Variants in CHIC1 observed in about 807,000 individuals in gnomAD.
CHIC1 encodes the protein cysteine-rich hydrophobic domain-containing protein 1.
In CHIC1, 7 loss-of-function variants were observed where a neutral mutation model predicts 18.5. The ratio of observed to expected loss-of-function variants is 0.38; its 90% CI spans 0.22 to 0.71. CHIC1 has a LOEUF of 0.71. Among genes scored for constraint, CHIC1 ranks in the 30% least tolerant of loss-of-function variants. CHIC1 has a pLI of 0.49. For missense variants in CHIC1, 159 were observed against 176.9 expected (o/e 0.90, Z 0.57); for synonymous variants, 77 against 73.5 (o/e 1.05, Z -0.25).
chrX:73,655,494 GTATA>G (rs201990322), intron 3 of CHIC1, among the ~76,000 whole-genome samples: 2 of 54,229 alleles, frequency 3.7e-5, no homozygotes, highest in African/African-American at 1.5e-4. Context: ...ACAATATTGT[GTATA>G]TATATATACA....
At chrX:73,645,116 G>A (rs868568275) in intron 3 of CHIC1, among the ~76,000 whole-genome samples, 4 of 112,298 alleles carry the variant, frequency 3.6e-5, no homozygotes, top group African/African-American at 9.7e-5. Flanking sequence ...TCTTGGCTCC[G>A]GAAGCTGAGA....
chrX:73,683,288 T>C lies in CHIC1; in HGVS notation c.*2283T>C, dbSNP rs1215973907. The C allele has an allele frequency of 8.9e-6, 1 of 112,013 alleles. No homozygotes were observed. The highest frequency in any genetic ancestry group is 1.9e-5 in the Non-Finnish European group (1 of 52,993). 9.2% of individuals were successfully genotyped at this position (112,013 alleles called of 1,213,427 possible). On this transcript the variant is annotated 3_prime_UTR_variant, in exon 6 of 6. Coordinates refer to ENST00000373502, the MANE Select transcript of CHIC1 (RefSeq NM_001039840.4). ...GAGTTTATTATTTTATTGTTCGCTA[T>C]GCTGGTTGACTCATCTTAGTTTCTT... is the stretch of plus-strand genomic sequence containing the variant.
rs2058096251 is a variant in CHIC1, at chrX:73,680,982, T to A, written c.652T>A (p.Tyr218Asn). ...AATACTAATAGAATTCTTACCAAAA[T>A]ATCCCATATTCCGACCTGACTGAGG... ...YVILIEFLPK[Y>N]PIFRPD The change falls in exon 6 of 6, where the codon TAT becomes AAT. Residue 218 changes from tyrosine to asparagine, a missense_variant. By Grantham distance (143) the Tyr-to-Asn change is moderately radical. Transcript: ENST00000373502. 9.0e-7 allele frequency: 1 copy of A among 1,110,881 alleles called. No individual in the cohort carries two copies. The highest frequency in any genetic ancestry group is 2.7e-5 in the Admixed American group (1 of 37,182). The allele number at this position is 1,110,881 out of a possible 1,213,427, so 91.5% of individuals were successfully genotyped here.
intron 3 of CHIC1, among the ~76,000 whole-genome samples, chrX:73,656,508 T>G (rs2057950013): frequency 8.9e-6 from 1 of 111,891 alleles, no homozygotes; most frequent in African/African-American, 3.3e-5. Flanking sequence ...TATTTTTCAG[T>G]TTTTTGCATA....
chrX:73,653,260 G>A (rs1293431911), intron 3 of CHIC1, among the ~76,000 whole-genome samples: 1 of 110,380 alleles, frequency 9.1e-6, no homozygotes, highest in East Asian at 2.8e-4. Flanking sequence ...TAGAGGACGG[G>A]TCAATAGATG....
intron 3 of CHIC1, among the ~76,000 whole-genome samples, chrX:73,613,629 T>A (rs1466413084): frequency 8.9e-6 from 1 of 112,298 alleles, no homozygotes; most frequent in African/African-American, 3.2e-5. Context: ...CAGTATTTTT[T>A]ATAGCAACAC....
chrX:73,636,427 G>T (rs1300181877), intron 3 of CHIC1, among the ~76,000 whole-genome samples: 1 of 110,905 alleles, frequency 9.0e-6, no homozygotes, highest in East Asian at 2.9e-4. Flanking sequence ...TGGAACTACA[G>T]GTACCCACTG....
rs1238519931 is a variant in CHIC1, at chrX:73,683,577, G to T, written c.*2572G>T. 1 of 111,566 alleles carries T rather than the reference G, an allele frequency of 9.0e-6. No individual in the cohort carries two copies. Among genetic ancestry groups the T allele is most frequent in the Admixed American group, 9.6e-5 (1 of 10,452 alleles). The allele number at this position is 111,566 out of a possible 1,213,427, so 9.2% of individuals were successfully genotyped here. On this transcript the variant is annotated 3_prime_UTR_variant, in exon 6 of 6. Transcript: ENST00000373502. ...TCCATTAGGTTAGTAACATACTTTTGTGAAAGTTGTTTTTAGACTGAAGAA... is the reference window on the plus strand; with the variant it reads ...TCCATTAGGTTAGTAACATACTTTTTTGAAAGTTGTTTTTAGACTGAAGAA...
Position 73,681,189 on chromosome X carries a change from G to C in CHIC1, c.*184G>C. Reference sequence around the variant, plus strand: ...GCACATCTTTTTTGTCTTTCAATGAGGCTTGTGTTTTGCACTCTCAATTTT... The same window carrying C: ...GCACATCTTTTTTGTCTTTCAATGACGCTTGTGTTTTGCACTCTCAATTTT... On this transcript the variant is annotated 3_prime_UTR_variant, in exon 6 of 6. Coordinates refer to ENST00000373502, the MANE Select transcript of CHIC1 (RefSeq NM_001039840.4). 1 of 390,008 alleles carries C rather than the reference G, an allele frequency of 2.6e-6. No homozygotes were observed. The highest frequency in any genetic ancestry group is 2.6e-5 in the African/African-American group (1 of 38,288). 32.1% of individuals were successfully genotyped at this position (390,008 alleles called of 1,213,427 possible). A position where few individuals can be genotyped will look rare whatever the true frequency, so the allele number is the denominator to read the frequency against.
At chrX:73,664,222 G>T (rs989884654) in intron 3 of CHIC1, among the ~76,000 whole-genome samples, 1 of 111,725 alleles carries the variant, frequency 9.0e-6, no homozygotes, top group Admixed American at 9.5e-5. Context: ...ATTTGGACCT[G>T]CATTGATTTG....
chrX:73,663,438 A>G (rs2057990233), intron 3 of CHIC1, among the ~76,000 whole-genome samples: 1 of 110,635 alleles, frequency 9.0e-6, no homozygotes, highest in Admixed American at 9.7e-5. Flanking sequence ...TTGGGCTAAT[A>G]GGTCTCGTTC....
Position 73,682,997 on chromosome X carries a change from A to T in CHIC1, c.*1992A>T, listed in dbSNP as rs1377449461. The T allele has an allele frequency of 9.0e-6, 1 of 111,235 alleles. No individual in the cohort carries two copies. The highest frequency in any genetic ancestry group is 1.9e-5 in the Non-Finnish European group (1 of 52,767). The allele number at this position is 111,235 out of a possible 1,213,427, so 9.2% of individuals were successfully genotyped here. A position where few individuals can be genotyped will look rare whatever the true frequency, so the allele number is the denominator to read the frequency against. On this transcript the variant is annotated 3_prime_UTR_variant, in exon 6 of 6. Transcript: ENST00000373502. ...GATAGAAAATTGCTTTTAAGTGTTG[A>T]TCCTTAGAAATCTTATTTTTTTCTA... is the stretch of plus-strand genomic sequence containing the variant.
At chrX:73,618,517 G>C (rs1051496315) in intron 3 of CHIC1, among the ~76,000 whole-genome samples, 7 of 111,262 alleles carry the variant, frequency 6.3e-5, no homozygotes, top group Non-Finnish European at 1.3e-4. Flanking sequence ...GATTATGGTT[G>C]CCTCTGCTGT....
chrX:73,607,246 C>T (rs1429261477), intron 3 of CHIC1, among the ~76,000 whole-genome samples: 2 of 108,357 alleles, frequency 1.8e-5, no homozygotes, highest in African/African-American at 3.6e-5. Context: ...TGGGCTTTGC[C>T]GAGTTCAAAT....
intron 1 of CHIC1, among the ~76,000 whole-genome samples, chrX:73,565,779 G>A (rs1411673707): frequency 9.0e-6 from 1 of 110,949 alleles, no homozygotes; most frequent in African/African-American, 3.3e-5. Context: ...ATCAACTTCT[G>A]TTTATTTTTT....
In CHIC1 at chrX:73,681,141, G is replaced by A. The variant is rs1266208212; in HGVS notation, c.*136G>A. The A allele has an allele frequency of 1.1e-5, 5 of 444,319 alleles. No individual in the cohort carries two copies. The highest frequency in any genetic ancestry group is 1.5e-5 in the Non-Finnish European group (4 of 260,543). 36.6% of individuals were successfully genotyped at this position (444,319 alleles called of 1,213,427 possible). A position where few individuals can be genotyped will look rare whatever the true frequency, so the allele number is the denominator to read the frequency against. On this transcript the variant is annotated 3_prime_UTR_variant, in exon 6 of 6. Transcript: ENST00000373502. ...GGTAGAATATTCTTCTCGCTCTTTT[G>A]TGTTGGTTTATGAAGAAAATTTGCA...
At chrX:73,605,903 T>C (rs1373540479) in intron 3 of CHIC1, among the ~76,000 whole-genome samples, 5 of 108,545 alleles carry the variant, frequency 4.6e-5, no homozygotes, top group Non-Finnish European at 7.5e-5. Context: ...TAACCCGACT[T>C]TTCTCTCTGG....
intron 3 of CHIC1, among the ~76,000 whole-genome samples, chrX:73,676,605 G>C (rs773444531): frequency 9.0e-6 from 1 of 111,310 alleles, no homozygotes; most frequent in African/African-American, 3.3e-5. Context: ...GGACTTCTCT[G>C]CATTGGTTAT....
intron 3 of CHIC1, among the ~76,000 whole-genome samples, chrX:73,674,381 T>A (rs193211569): frequency 8.9e-6 from 1 of 112,128 alleles, no homozygotes; most frequent in African/African-American, 3.2e-5. Flanking sequence ...TTTTGGTTGG[T>A]AAGCTATTGA....
Sources: gnomAD v4.1 joint callset for allele counts (sites outside exome capture counted in the v4.1 genomes callset) on GRCh38, gnomAD v4.1.1 for gene constraint, MANE v1.5 for transcripts, NCBI Gene and HGNC (gene_info 2026-07-23, HGNC 2026-07-21) for gene names.